The following MAGOH variants were observed in gnomAD, a reference collection of about 807,000 sequenced individuals.
MAGOH encodes protein mago nashi homolog.
In MAGOH, 3 loss-of-function variants were observed where a neutral mutation model predicts 20.9. That is an observed-to-expected ratio of 0.14 (90% CI 0.07 to 0.37). The LOEUF is 0.37. Among genes scored for constraint, MAGOH ranks in the 10% least tolerant of loss-of-function variants. The pLI, the probability that MAGOH is intolerant of heterozygous loss-of-function variation, is 1.00. For synonymous variants in MAGOH, 51 were observed against 61.0 expected (o/e 0.84, Z 0.76); for missense variants, 66 against 178.1 (o/e 0.37, Z 3.58).
At chr1:53,227,189 C>A in intron 4 of MAGOH, 45 bp from the exon 5 acceptor site, 2 of 1,046,484 alleles carry the variant, frequency 1.9e-6, no homozygotes, top group East Asian at 5.2e-5. Context: ...AACTTTGACC[C>A]ATCAAGTGTC....
intron 3 of MAGOH, among the ~76,000 whole-genome samples, chr1:53,230,566 C>T (rs1343097158): frequency 1.3e-5 from 2 of 151,672 alleles, no homozygotes; most frequent in Non-Finnish European, 2.9e-5. Context: ...TACAGGTATG[C>T]GCCACCACGC....
At chr1:53,228,744 G>T in intron 4 of MAGOH, 128 bp downstream of exon 4, 1 of 712,318 alleles carries the variant, frequency 1.4e-6, no homozygotes, top group Admixed American at 2.5e-5. Flanking sequence ...TAACAAGAAG[G>T]ACAAAGCTGC....
At chr1:53,235,539 A>G in intron 2 of MAGOH, 38 bp downstream of exon 2, 1 of 1,566,578 alleles carries the variant, frequency 6.4e-7, no homozygotes, top group Non-Finnish European at 8.8e-7. Flanking sequence ...GCTGAAATGT[A>G]GCAAATGAAG....
chr1:53,227,315 AATT>A (rs1280333076), intron 4 of MAGOH, among the ~76,000 whole-genome samples, 171 bp from the exon 5 acceptor site: 3 of 152,202 alleles, frequency 2.0e-5, no homozygotes, highest in African/African-American at 4.8e-5. Flanking sequence ...TTAAAATAAC[AATT>A]ATTAATCTCA....
intron 3 of MAGOH, among the ~76,000 whole-genome samples, chr1:53,230,022 T>C (rs1645578469): frequency 6.6e-6 from 1 of 152,222 alleles, no homozygotes; most frequent in African/African-American, 2.4e-5. Flanking sequence ...ATGTATGATG[T>C]TGGATCTCAA....
Position 53,233,448 on chromosome 1 carries a change from G to A in MAGOH, c.258+94C>T, listed in dbSNP as rs192624549. On this transcript the variant is annotated intron_variant, in intron 3 of 4. Transcript: ENST00000371470. ...ATGCTTTGTCCATAGTAGTTAGTAAGTGAGATAGGCAACAAAAGCTTTAAG... is the reference window on the plus strand; with the variant it reads ...ATGCTTTGTCCATAGTAGTTAGTAAATGAGATAGGCAACAAAAGCTTTAAG... 202 of 777,526 alleles carry A rather than the reference G, an allele frequency of 2.6e-4. No homozygotes were observed. In the African/African-American group the frequency reaches 2.9e-3, roughly 11 times the overall value. 48.2% of individuals were successfully genotyped at this position (777,526 alleles called of 1,614,324 possible). A position where few individuals can be genotyped will look rare whatever the true frequency, so the allele number is the denominator to read the frequency against.
chr1:53,233,761 T>C, intron 2 of MAGOH, 109 bp from the exon 3 acceptor site: 1 of 743,356 alleles, frequency 1.3e-6, no homozygotes, highest in Non-Finnish European at 2.4e-6. Flanking sequence ...ATTTCTGGCA[T>C]CTCCTTAAGT....
At position 53,227,034 on chromosome 1, in the gene MAGOH, C is replaced by CCAAAATA; in HGVS notation, c.*10_*11insTATTTTG. 7.2e-7 allele frequency: 1 copy of CCAAAATA among 1,380,210 alleles called. No homozygotes were observed. The highest frequency in any genetic ancestry group is 1.5e-5 in the African/African-American group (1 of 67,680). 85.5% of individuals were successfully genotyped at this position (1,380,210 alleles called of 1,614,324 possible). A position where few individuals can be genotyped will look rare whatever the true frequency, so the allele number is the denominator to read the frequency against. ...TCCCACCCACCCCCCATGTCCACAC[C>CCAAAATA]AATATTCAGTCTAGATTGGTTTAAT... On this transcript the variant is annotated 3_prime_UTR_variant, in exon 5 of 5. Coordinates refer to ENST00000371470, the MANE Select transcript of MAGOH (RefSeq NM_002370.4).
intron 3 of MAGOH, among the ~76,000 whole-genome samples, chr1:53,230,748 T>C (rs1645582352): frequency 6.6e-6 from 1 of 152,190 alleles, no homozygotes; most frequent in Non-Finnish European, 1.5e-5. Flanking sequence ...CTAGACGTGG[T>C]AGTGTGCTTT....
At chr1:53,229,177 A>T (rs966883182) in intron 3 of MAGOH, among the ~76,000 whole-genome samples, 1 of 151,462 alleles carries the variant, frequency 6.6e-6, no homozygotes, top group Non-Finnish European at 1.5e-5. Flanking sequence ...CATTTCTCAG[A>T]TTTGGAAAAA....
chr1:53,229,355 C>G (rs557509339), intron 3 of MAGOH, among the ~76,000 whole-genome samples: 1 of 152,038 alleles, frequency 6.6e-6, no homozygotes, highest in African/African-American at 2.4e-5. Flanking sequence ...CCCGCCACCA[C>G]GCCCGGCTAA....
intron 2 of MAGOH, 117 bp downstream of exon 2, chr1:53,235,460 A>C: frequency 1.2e-6 from 1 of 835,324 alleles, no homozygotes; most frequent in Non-Finnish European, 2.0e-6. Flanking sequence ...GTCTACAGAC[A>C]TGTGTCTCTC....
intron 2 of MAGOH, among the ~76,000 whole-genome samples, chr1:53,234,910 A>G (rs928128953): frequency 3.8e-4 from 58 of 152,208 alleles, no homozygotes; most frequent in African/African-American, 1.3e-3. Context: ...CGGAGAATAC[A>G]AACTTTACTG....
intron 1 of MAGOH, among the ~76,000 whole-genome samples, chr1:53,238,120 C>T (rs183099684): frequency 1.3e-5 from 2 of 152,348 alleles, no homozygotes; most frequent in African/African-American, 4.8e-5. Context: ...TGTCTACCTT[C>T]GCTGCCGTAT....
intron 1 of MAGOH, among the ~76,000 whole-genome samples, chr1:53,237,937 C>T (rs898153366): frequency 2.0e-5 from 3 of 152,160 alleles, no homozygotes; most frequent in African/African-American, 7.2e-5. Context: ...TAGGACTCGG[C>T]TGCAATATAC....
chr1:53,235,471 TC>T (rs1645606381), intron 2 of MAGOH, 105 bp downstream of exon 2: 1 of 925,624 alleles, frequency 1.1e-6, no homozygotes, highest in Middle Eastern at 2.2e-4. Flanking sequence ...TGTGTCTCTC[TC>T]CCTGTTCTTT....
At chr1:53,236,908 T>C (rs1037771970) in intron 1 of MAGOH, among the ~76,000 whole-genome samples, 6 of 152,032 alleles carry the variant, frequency 3.9e-5, no homozygotes, top group African/African-American at 1.2e-4. Context: ...TTCCTAAATC[T>C]TTCTCTCCAT....
intron 1 of MAGOH, among the ~76,000 whole-genome samples, chr1:53,237,801 T>G (rs1013309092): frequency 4.0e-5 from 6 of 151,536 alleles, no homozygotes; most frequent in African/African-American, 1.2e-4. Flanking sequence ...TCACCACTCT[T>G]CAACCACACT....
At chr1:53,227,361 AT>A (rs1327404568) in intron 4 of MAGOH, among the ~76,000 whole-genome samples, 1 of 152,212 alleles carries the variant, frequency 6.6e-6, no homozygotes, top group Non-Finnish European at 1.5e-5. Context: ...AAAAGTATAT[AT>A]TGTATTAATG....
Sources: allele counts gnomAD v4.1 joint callset (sites outside exome capture counted in the v4.1 genomes callset), GRCh38; gene constraint gnomAD v4.1.1; transcripts MANE v1.5; gene names NCBI Gene and HGNC (gene_info 2026-07-23, HGNC 2026-07-21).